PABPC1: variants seen among roughly 807,000 people sequenced by gnomAD.
PABPC1 encodes poly(A) binding protein cytoplasmic 1.
In PABPC1, 4 loss-of-function variants were observed where a neutral mutation model predicts 74.0. That is an observed-to-expected ratio of 0.05 (90% CI 0.03 to 0.12). The LOEUF is 0.12. PABPC1 is among the 10% of genes least tolerant of loss of function. The probability of loss-of-function intolerance (pLI) is 1.00; values close to 1 mark genes in which losing one functional copy is unlikely to be tolerated. For synonymous variants in PABPC1, 227 were observed against 264.1 expected (o/e 0.86, Z 1.36); for missense variants, 271 against 821.1 (o/e 0.33, Z 8.19).
intron 4 of PABPC1, 34 bp from the exon 5 acceptor site, chr8:100,713,215 C>G: frequency 8.0e-7 from 1 of 1,257,828 alleles, no homozygotes; most frequent in Non-Finnish European, 1.1e-6. Context: ...CAAAGATATT[C>G]CATACAACAT....
In PABPC1 at chr8:100,712,666, T is replaced by A. The variant is rs1810559324; in HGVS notation, c.862A>T (p.Ile288Phe). The stretch of plus-strand genomic sequence containing the variant: ...TAAAAATGAACCTGGTATCTGGTGA[T>A]CCTATCTTGTTTCATCTGTTCAAAT... Reference protein sequence around the residue: ...RKFEQMKQDRITRYQGVNLYV... With the variant: ...RKFEQMKQDRFTRYQGVNLYV... Residue 288 changes from isoleucine (I) to phenylalanine (F), a missense_variant, in exon 6 of 15, where the codon ATC becomes TTC. Ile to Phe is a conservative substitution (Grantham distance 21). Around this residue, in one of 7 missense-constraint regions of PABPC1, gnomAD observed 78 missense variants for 202.8 expected, o/e 0.38. Transcript: ENST00000318607. 1 of 1,604,534 alleles carries A rather than the reference T, an allele frequency of 6.2e-7. No individual in the cohort carries two copies. The highest frequency in any genetic ancestry group is 1.7e-5 in the Admixed American group (1 of 57,578).
intron 3 of PABPC1, 102 bp from the exon 4 acceptor site, chr8:100,715,703 G>A: frequency 1.4e-6 from 1 of 729,188 alleles, no homozygotes; most frequent in Non-Finnish European, 2.1e-6. Flanking sequence ...AGAATATTCA[G>A]AATCCCTAAT....
intron 12 of PABPC1, 23 bp downstream of exon 12, chr8:100,705,566 C>A: frequency 7.5e-7 from 1 of 1,338,226 alleles, no homozygotes; most frequent in Non-Finnish European, 1.1e-6. Flanking sequence ...TCTGAACTGA[C>A]AAGGTGGGAC....
chr8:100,712,742 A>G lies in PABPC1; in HGVS notation c.786T>C (p.Tyr262=), dbSNP rs914564105. The change falls in exon 6 of 15, where the codon TAT becomes TAC. Residue 262 remains tyrosine, a synonymous_variant. Transcript: ENST00000318607. ...NGKELNGKQI[Y]VGRAQKKVER... ...CCACCTTTTTCTGAGCTCGACCAAC[A>G]TAAATTTGTTTTCCATTGAGCTCCT... 6.2e-7 allele frequency: 1 copy of G among 1,613,270 alleles called. No homozygotes were observed. Among genetic ancestry groups the G allele is most frequent in the Non-Finnish European group, 8.5e-7 (1 of 1,179,876 alleles).
At position 100,704,977 on chromosome 8, in the gene PABPC1, A is replaced by G; in HGVS notation, c.1767T>C (p.Asp589=). 6.2e-7 allele frequency: 1 copy of G among 1,613,438 alleles called. No homozygotes were observed. Among genetic ancestry groups the G allele is most frequent in the Non-Finnish European group, 8.5e-7 (1 of 1,179,904 alleles). ...GKITGMLLEI[D]NSELLHMLES... ...CGAGCATATGAAGAAGTTCTGAATTATCAATCTCCAACAACATGCCAGTGA... is the reference window on the plus strand; with the variant it reads ...CGAGCATATGAAGAAGTTCTGAATTGTCAATCTCCAACAACATGCCAGTGA... The change falls in exon 13 of 15, where the codon GAT becomes GAC. Residue 589 remains aspartate, a synonymous_variant. Coordinates refer to ENST00000318607, the MANE Select transcript of PABPC1 (RefSeq NM_002568.4).
At chr8:100,716,627 A>G (rs535465338) in intron 3 of PABPC1, among the ~76,000 whole-genome samples, 3 of 152,352 alleles carry the variant, frequency 2.0e-5, no homozygotes, top group South Asian at 2.1e-4. Context: ...TAGTTTCATA[A>G]ATGTTCTCAA....
intron 7 of PABPC1, among the ~76,000 whole-genome samples, chr8:100,710,792 G>T (rs543593459): frequency 7.2e-5 from 11 of 152,096 alleles, no homozygotes; most frequent in African/African-American, 2.7e-4. Flanking sequence ...TTCGAGACCA[G>T]CCTGGCCAAC....
chr8:100,708,593 T>A (rs555114059), intron 9 of PABPC1, among the ~76,000 whole-genome samples: 1 of 152,204 alleles, frequency 6.6e-6, no homozygotes, highest in African/African-American at 2.4e-5. Context: ...AATATGAAAT[T>A]GGCTGGGTGC....
chr8:100,712,817 A>AAC, intron 5 of PABPC1, 28 bp from the exon 6 acceptor site: 1 of 1,556,296 alleles, frequency 6.4e-7, no homozygotes, highest in East Asian at 2.3e-5. Flanking sequence ...AGAAAAAAAA[A>AAC]AAATCACAAA....
At chr8:100,716,077 T>TTTCTGAATATA (rs555233692) in intron 3 of PABPC1, among the ~76,000 whole-genome samples, 79 of 152,344 alleles carry the variant, frequency 5.2e-4, no homozygotes, top group African/African-American at 1.7e-3. Flanking sequence ...CACTAAAACT[T>TTTCTGAATATA]AATTTTTTCT....
In PABPC1 at chr8:100,721,702, C is replaced by A; in HGVS notation, c.-119G>T. ...GGAGCGGGGAGCAAGCGCAGAGGGA[C>A]AAAAATCAACCGGAATTGAAAACTA... On this transcript the variant is annotated 5_prime_UTR_variant, in exon 1 of 15. Coordinates refer to ENST00000318607, the MANE Select transcript of PABPC1 (RefSeq NM_002568.4). The surrounding 1 kb of genome is among the most constrained non-coding windows in gnomAD (Gnocchi z 7.4). The A allele has an allele frequency of 2.4e-6, 2 of 836,030 alleles. No homozygotes were observed. Among genetic ancestry groups the A allele is most frequent in the Non-Finnish European group, 3.5e-6 (2 of 577,190 alleles). The allele number at this position is 836,030 out of a possible 1,614,324, so 51.8% of individuals were successfully genotyped here. A position where few individuals can be genotyped will look rare whatever the true frequency, so the allele number is the denominator to read the frequency against.
chr8:100,712,634 G>T lies in PABPC1; in HGVS notation c.876+18C>A. ...TCCTCATCCCTGTCTTATTTTGGTT[G>T]TTCAATTAAAAATGAACCTGGTATC... is the stretch of plus-strand genomic sequence containing the variant. On this transcript the variant is annotated intron_variant, in intron 6 of 14. Coordinates refer to ENST00000318607, the MANE Select transcript of PABPC1 (RefSeq NM_002568.4). 2 of 1,592,558 alleles carry T rather than the reference G, an allele frequency of 1.3e-6. No homozygotes were observed. Among genetic ancestry groups the T allele is most frequent in the Non-Finnish European group, 8.5e-7 (1 of 1,173,008 alleles).
At chr8:100,709,845 TGC>T in intron 7 of PABPC1, 114 bp from the exon 8 acceptor site, 1 of 1,169,340 alleles carries the variant, frequency 8.6e-7, no homozygotes, top group Non-Finnish European at 1.2e-6. Context: ...ACCCTGTTAA[TGC>T]TTAATCATCT....
chr8:100,716,412 G>C (rs113574465), intron 3 of PABPC1, among the ~76,000 whole-genome samples: 3,272 of 151,954 alleles, frequency 0.022, 113 homozygotes, highest in African/African-American at 0.074. Flanking sequence ...AATATAAAAA[G>C]AACAACGATC....
intron 3 of PABPC1, 142 bp downstream of exon 3, chr8:100,717,631 G>T: frequency 1.7e-6 from 1 of 601,632 alleles, no homozygotes; most frequent in Non-Finnish European, 2.9e-6. Context: ...ATGAATTTTT[G>T]TTATTCATCT....
intron 7 of PABPC1, 189 bp from the exon 8 acceptor site, chr8:100,709,920 A>G: frequency 1.6e-6 from 1 of 614,460 alleles, no homozygotes; most frequent in African/African-American, 1.8e-5. Flanking sequence ...CAAACTACAC[A>G]TATGCATTAC....
At chr8:100,706,615 A>T (rs878893727) in intron 11 of PABPC1, 36 bp downstream of exon 11, 3 of 1,589,006 alleles carry the variant, frequency 1.9e-6, no homozygotes, top group South Asian at 1.1e-5. Context: ...TCACCCAAGA[A>T]ATGTGATTTT....
At chr8:100,707,674 G>T (rs985066841) in intron 9 of PABPC1, among the ~76,000 whole-genome samples, 4 of 152,244 alleles carry the variant, frequency 2.6e-5, no homozygotes, top group Non-Finnish European at 4.4e-5. Flanking sequence ...GCACCATAGG[G>T]AGACGGTTAG....
At chr8:100,720,306 A>C (rs997040976) in intron 1 of PABPC1, among the ~76,000 whole-genome samples, 2 of 152,228 alleles carry the variant, frequency 1.3e-5, no homozygotes, top group African/African-American at 4.8e-5. Context: ...TTTAGCTTCA[A>C]AATAAAAGCA....
Sources: allele counts gnomAD v4.1 joint callset (sites outside exome capture counted in the v4.1 genomes callset), GRCh38; gene constraint gnomAD v4.1.1; regional missense constraint gnomAD v4.1.1; non-coding constraint Gnocchi (gnomAD v3.1); transcripts MANE v1.5; gene names NCBI Gene and HGNC (gene_info 2026-07-23, HGNC 2026-07-21).